PREX1: variants seen among roughly 807,000 people sequenced by gnomAD.
PREX1 encodes the protein phosphatidylinositol 3,4,5-trisphosphate-dependent Rac exchanger 1 protein.
In PREX1, 41 loss-of-function variants were observed where a neutral mutation model predicts 198.3. The observed-to-expected ratio is 0.21, with a 90% CI of 0.16 to 0.27. PREX1 has a LOEUF of 0.27. PREX1 is among the 10% of genes least tolerant of loss of function. The pLI is 1.00. For synonymous variants in PREX1, 843 were observed against 887.2 expected (o/e 0.95, Z 0.89); for missense variants, 1,620 against 2,200.7 (o/e 0.74, Z 5.28).
rs1882176298 is a variant in PREX1, at chr20:48,640,030, G to T, written c.3776-136C>A. 3.4e-6 allele frequency: 4 copies of T among 1,190,578 alleles called. No individual in the cohort carries two copies. The South Asian group carries it at 5.9e-5, about 18-fold the overall frequency. The allele number at this position is 1,190,578 out of a possible 1,614,324, so 73.8% of individuals were successfully genotyped here. A position where few individuals can be genotyped will look rare whatever the true frequency, so the allele number is the denominator to read the frequency against. On this transcript the variant is annotated intron_variant, in intron 29 of 39. Transcript: ENST00000371941. ...TCAAGGGAGCTGGCAGGACTCCTGG[G>T]CATTATCGGGTCCACAGAGGGTAAG...
intron 5 of PREX1, among the ~76,000 whole-genome samples, chr20:48,715,914 A>G (rs2089960435): frequency 6.6e-6 from 1 of 152,236 alleles, no homozygotes; most frequent in African/African-American, 2.4e-5. Flanking sequence ...ACTGAGGCAC[A>G]GAGAGGTTAA....
intron 4 of PREX1, among the ~76,000 whole-genome samples, chr20:48,730,703 C>A (rs1014467129): frequency 1.3e-5 from 2 of 151,960 alleles, no homozygotes; most frequent in East Asian, 1.9e-4. Flanking sequence ...TTTTTAAAAT[C>A]TCATACTTGG....
Position 48,637,822 on chromosome 20 carries a change from G to C in PREX1, c.3905-70C>G. On this transcript the variant is annotated intron_variant, in intron 30 of 39. Transcript: ENST00000371941. The stretch of plus-strand genomic sequence containing the variant: ...GCAGCAAGAGGTGAGGGCAGAACCG[G>C]GCCCCTCCCCATGGCACCTCCCAAG... 2.1e-6 allele frequency: 3 copies of C among 1,438,000 alleles called. No individual in the cohort carries two copies. The South Asian group carries it at 3.6e-5, about 17-fold the overall frequency. The allele number at this position is 1,438,000 out of a possible 1,614,324, so 89.1% of individuals were successfully genotyped here.
At position 48,708,329 on chromosome 20, in the gene PREX1, A is replaced by G. The variant is rs755122399; in HGVS notation, c.714T>C (p.Asn238=). 6.2e-7 allele frequency: 1 copy of G among 1,613,924 alleles called. No individual in the cohort carries two copies. The highest frequency in any genetic ancestry group is 2.2e-5 in the East Asian group (1 of 44,868). Residue 238 remains asparagine, a synonymous_variant, in exon 6 of 40, where the codon AAT becomes AAC. Coordinates refer to ENST00000371941, the MANE Select transcript of PREX1 (RefSeq NM_020820.4). ...QAMKTVCSNI[N]ETKRQMEKLE... ...GCTTCTCCATCTGCCGCTTGGTCTC[A>G]TTGATGTTGGAGCAAACGGTCTTCA...
the PREX1 span, among the ~76,000 whole-genome samples, chr20:48,859,577 A>G: frequency 6.6e-6 from 1 of 152,222 alleles, no homozygotes; most frequent in Non-Finnish European, 1.5e-5. Context: ...GATGTGGGAA[A>G]AATTTGAACC....
At chr20:48,654,033 G>C (rs1568805206) in intron 19 of PREX1, among the ~76,000 whole-genome samples, 2 of 152,224 alleles carry the variant, frequency 1.3e-5, no homozygotes, top group Admixed American at 6.5e-5. Flanking sequence ...GCTTTGCCCA[G>C]ACATGGGGCA....
At chr20:48,671,798 T>C (rs531719463) in intron 14 of PREX1, among the ~76,000 whole-genome samples, 3 of 152,258 alleles carry the variant, frequency 2.0e-5, no homozygotes, top group South Asian at 2.1e-4. Flanking sequence ...CGAAGGCCAG[T>C]TGCCTTTCCA....
chr20:48,681,196 C>T (rs763606657), intron 11 of PREX1, 39 bp downstream of exon 11: 4 of 1,569,568 alleles, frequency 2.5e-6, no homozygotes, highest in Non-Finnish European at 3.5e-6. Context: ...CTGACCTGTT[C>T]CCACCCCTTG....
chr20:48,754,707 G>A (rs2090149274), intron 1 of PREX1, among the ~76,000 whole-genome samples: 1 of 151,226 alleles, frequency 6.6e-6, no homozygotes, highest in African/African-American at 2.4e-5. Context: ...GATGAGTGGG[G>A]GTGGGTGGGG....
chr20:48,859,581 T>G, the PREX1 span, among the ~76,000 whole-genome samples: 1 of 152,148 alleles, frequency 6.6e-6, no homozygotes, highest in African/African-American at 2.4e-5. Flanking sequence ...TGGGAAAAAT[T>G]TGAACCTGTA....
intron 4 of PREX1, among the ~76,000 whole-genome samples, chr20:48,732,706 G>A (rs2090039539): frequency 6.6e-6 from 1 of 152,170 alleles, no homozygotes; most frequent in African/African-American, 2.4e-5. Flanking sequence ...TTCTAGCTGG[G>A]CACATGGCTG....
chr20:48,698,594 C>A (rs571813859), intron 7 of PREX1, among the ~76,000 whole-genome samples: 1 of 151,922 alleles, frequency 6.6e-6, no homozygotes, highest in Admixed American at 6.6e-5. Context: ...AAGGAGTGGG[C>A]GAGAATGAAG....
rs140010281 is a variant in PREX1 at position 48,737,215 on chromosome 20, C to CAAA, written c.415-2568_415-2566dup. 6.2e-4 allele frequency among the ~76,000 whole-genome samples: 22 copies of CAAA among 35,294 alleles called. 3 individuals are homozygous for CAAA. The highest frequency in any genetic ancestry group is 4.5e-3 in the South Asian group (4 of 892). The allele number at this position is 35,294 out of a possible 152,430, so 23.2% of individuals were successfully genotyped here. ...GCAGTAGGTGGGAAGGTTTTGACAG[C>CAAA]AAAAAAAAAAAAAAAAAAAAAAAAA... On this transcript the variant is annotated intron_variant, in intron 3 of 39. Coordinates refer to ENST00000371941, the MANE Select transcript of PREX1 (RefSeq NM_020820.4).
At chr20:48,776,168 T>C (rs1255905455) in intron 1 of PREX1, among the ~76,000 whole-genome samples, 2 of 152,000 alleles carry the variant, frequency 1.3e-5, no homozygotes, top group East Asian at 3.9e-4. Context: ...TTTCCCCCTC[T>C]GTAAAATGGG....
chr20:48,641,634 A>C, intron 29 of PREX1, among the ~76,000 whole-genome samples: 1 of 151,852 alleles, frequency 6.6e-6, no homozygotes, highest in African/African-American at 2.4e-5. Flanking sequence ...AAAAAAAAAA[A>C]ATCCAAAATT....
chr20:48,810,881 C>T (rs2090430943), intron 1 of PREX1, among the ~76,000 whole-genome samples: 1 of 151,876 alleles, frequency 6.6e-6, no homozygotes, highest in Non-Finnish European at 1.5e-5. Context: ...GAGCCAGACT[C>T]CTCCTCAAAA....
intron 1 of PREX1, among the ~76,000 whole-genome samples, chr20:48,803,392 C>T (rs957494230): frequency 1.3e-5 from 2 of 152,102 alleles, no homozygotes; most frequent in African/African-American, 4.8e-5. Flanking sequence ...AACAGATTTG[C>T]ATGGCAGACT....
intron 21 of PREX1, among the ~76,000 whole-genome samples, 175 bp downstream of exon 21, chr20:48,652,411 G>A (rs2089505936): frequency 1.3e-5 from 2 of 151,994 alleles, no homozygotes; most frequent in Admixed American, 1.3e-4. Context: ...CTACACTCCA[G>A]CCTGGGTGAC....
intron 15 of PREX1, among the ~76,000 whole-genome samples, chr20:48,665,870 C>T (rs1253828087): frequency 6.6e-6 from 1 of 152,138 alleles, no homozygotes; most frequent in Non-Finnish European, 1.5e-5. Context: ...AAGAGGCAGA[C>T]ATCCCAGGAA....
Sources: allele counts gnomAD v4.1 joint callset (sites outside exome capture counted in the v4.1 genomes callset), GRCh38; gene constraint gnomAD v4.1.1; transcripts MANE v1.5; gene names NCBI Gene and HGNC (gene_info 2026-07-23, HGNC 2026-07-21).